Variants in GALNT3 observed in about 807,000 individuals in gnomAD.
GALNT3 encodes GalNAc transferase 3.
A neutral mutation model predicts 69.8 loss-of-function variants in GALNT3; 51 were observed. That is an observed-to-expected ratio of 0.73 (90% CI 0.58 to 0.92). GALNT3 has a LOEUF of 0.92. Among genes scored for constraint, GALNT3 ranks in the 40% least tolerant of loss-of-function variants. The pLI, the probability that GALNT3 is intolerant of heterozygous loss-of-function variation, is 0.00. For missense variants in GALNT3, 711 were observed against 760.0 expected (o/e 0.94, Z 0.76); for synonymous variants, 265 against 248.5 (o/e 1.07, Z -0.63).
At chr2:165,764,424 T>G (rs2105412791) in intron 3 of GALNT3, among the ~76,000 whole-genome samples, 1 of 152,362 alleles carries the variant, frequency 6.6e-6, no homozygotes, top group African/African-American at 2.4e-5. Flanking sequence ...AATGGCATGT[T>G]AAGTTTAATT....
At chr2:165,780,950 A>C (rs919762408) in intron 1 of GALNT3, among the ~76,000 whole-genome samples, 1 of 152,122 alleles carries the variant, frequency 6.6e-6, no homozygotes, top group Non-Finnish European at 1.5e-5. Flanking sequence ...ATAACCTGAC[A>C]CTCCATAATT....
chr2:165,778,849 C>T (rs1325116456), intron 1 of GALNT3, among the ~76,000 whole-genome samples: 1 of 152,178 alleles, frequency 6.6e-6, no homozygotes, highest in African/African-American at 2.4e-5. Context: ...TCATGTGCCA[C>T]ACAGGTAACA....
intron 1 of GALNT3, among the ~76,000 whole-genome samples, chr2:165,786,030 A>C (rs140228936): frequency 6.6e-6 from 1 of 152,012 alleles, no homozygotes; most frequent in Non-Finnish European, 1.5e-5. Flanking sequence ...TGTAGTAAAC[A>C]ATATCTATGT....
At chr2:165,776,819 T>G (rs1574012520) in intron 1 of GALNT3, among the ~76,000 whole-genome samples, 1 of 152,254 alleles carries the variant, frequency 6.6e-6, no homozygotes, top group East Asian at 1.9e-4. Context: ...TCTTACAAAT[T>G]TAAAATAATC....
chr2:165,782,486 G>A lies in GALNT3; in HGVS notation c.-109+11529C>T, dbSNP rs114851248. Among the ~76,000 whole-genome samples the A allele has an allele frequency of 6.2e-3, 951 of 152,192 alleles. 9 individuals carry two copies. The highest frequency in any genetic ancestry group is 0.022 in the African/African-American group (895 of 41,532). ...ATCCAGGGTCGCATGTGGCCCATGG[G>A]CCACAGGTTAAACAAGCTTGGTTTA... On this transcript the variant is annotated intron_variant, in intron 1 of 10. Transcript: ENST00000392701.
In GALNT3 at chr2:165,759,144, C is replaced by T. The variant is rs1326332054; in HGVS notation, c.1073+192G>A. 4.6e-5 allele frequency among the ~76,000 whole-genome samples: 7 copies of T among 152,200 alleles called. No individual in the cohort carries two copies. The East Asian group carries it at 1.3e-3, about 29-fold the overall frequency. ...TGAGGAAGACATAAGAGCTCACTCA[C>T]TGCTACCTCTTACTCAGCAACATCA... On this transcript the variant is annotated intron_variant, in intron 5 of 10. Transcript: ENST00000392701.
At chr2:165,755,788 T>C (rs1332068598) in intron 7 of GALNT3, among the ~76,000 whole-genome samples, 1 of 152,196 alleles carries the variant, frequency 6.6e-6, no homozygotes, top group East Asian at 1.9e-4. Flanking sequence ...ATCTTATCAG[T>C]TCAACTAAAG....
In GALNT3 at chr2:165,770,601, A is replaced by G; in HGVS notation, c.100T>C (p.Leu34=). 6.2e-7 allele frequency: 1 copy of G among 1,605,080 alleles called. No individual in the cohort carries two copies. The highest frequency in any genetic ancestry group is 1.1e-5 in the South Asian group (1 of 88,924). The change falls in exon 2 of 11, where the codon TTG becomes CTG. Residue 34 remains leucine, a synonymous_variant. Transcript: ENST00000392701. ...CTTACTTCTCTTTGCATTAAAACCA[A>G]AACTATTATAAAGAAAAAAATTACT... ...GAVIFFFIIV[L]VLMQREVSVQ...
At chr2:165,779,742 G>A (rs990212339) in intron 1 of GALNT3, among the ~76,000 whole-genome samples, 2 of 152,080 alleles carry the variant, frequency 1.3e-5, no homozygotes, top group Non-Finnish European at 2.9e-5. Context: ...ACCTGAGAAA[G>A]CTGATTGAAA....
At chr2:165,767,338 A>AT (rs1204181827) in intron 2 of GALNT3, among the ~76,000 whole-genome samples, 1 of 151,978 alleles carries the variant, frequency 6.6e-6, no homozygotes, top group Non-Finnish European at 1.5e-5. Flanking sequence ...TGAGTATAAG[A>AT]TTTTTTTCCT....
intron 1 of GALNT3, among the ~76,000 whole-genome samples, chr2:165,787,781 G>T (rs996072186): frequency 2.0e-5 from 3 of 152,070 alleles, no homozygotes; most frequent in African/African-American, 7.2e-5. Flanking sequence ...CTCCCTTTAA[G>T]CTCCTCAACA....
At chr2:165,777,565 G>C (rs191218083) in intron 1 of GALNT3, among the ~76,000 whole-genome samples, 1 of 152,276 alleles carries the variant, frequency 6.6e-6, no homozygotes, top group African/African-American at 2.4e-5. Flanking sequence ...ATTTCTGCTT[G>C]CATTTATTGG....
chr2:165,779,931 C>T (rs1017737762), intron 1 of GALNT3, among the ~76,000 whole-genome samples: 2 of 152,074 alleles, frequency 1.3e-5, no homozygotes, highest in African/African-American at 4.8e-5. Context: ...AGGGCAAATC[C>T]ATATGTAGAA....
chr2:165,762,860 A>G (rs979671259), intron 3 of GALNT3, among the ~76,000 whole-genome samples: 4 of 152,002 alleles, frequency 2.6e-5, no homozygotes, highest in African/African-American at 9.7e-5. Context: ...CAGTGGCACA[A>G]CTCACTGCAA....
rs1008941098 is a variant in GALNT3, at chr2:165,768,987, G to A, written c.515+1199C>T. Among the ~76,000 whole-genome samples the A allele has an allele frequency of 3.3e-5, 5 of 150,896 alleles. No individual in the cohort carries two copies. The South Asian group carries it at 1.1e-3, about 32-fold the overall frequency. On this transcript the variant is annotated intron_variant, in intron 2 of 10. Transcript: ENST00000392701. Reference sequence around the variant, plus strand: ...TTTTTGTATTTTTAATAGAGACGGGGTTTCACCATGTTGGCCAGGCTGCTC... The same window carrying A: ...TTTTTGTATTTTTAATAGAGACGGGATTTCACCATGTTGGCCAGGCTGCTC...
chr2:165,791,559 T>C (rs1430458768), intron 1 of GALNT3, among the ~76,000 whole-genome samples: 5 of 152,068 alleles, frequency 3.3e-5, no homozygotes. Flanking sequence ...AATTAGTTAT[T>C]GAGGATTGCA....
At chr2:165,787,912 T>C (rs1373713128) in intron 1 of GALNT3, among the ~76,000 whole-genome samples, 1 of 151,970 alleles carries the variant, frequency 6.6e-6, no homozygotes, top group Non-Finnish European at 1.5e-5. Flanking sequence ...AACCAAAAGG[T>C]CCCAAAATAA....
chr2:165,790,399 T>C (rs1364688), intron 1 of GALNT3, among the ~76,000 whole-genome samples: 118,002 of 152,052 alleles, frequency 0.78, 47,240 homozygotes, highest in Non-Finnish European at 0.89. Context: ...TTAGTGTACA[T>C]GAGTTGTGTT....
At chr2:165,766,308 G>A (rs1476149491) in intron 2 of GALNT3, among the ~76,000 whole-genome samples, 1 of 152,220 alleles carries the variant, frequency 6.6e-6, no homozygotes, top group Non-Finnish European at 1.5e-5. Context: ...GGCACAGGGA[G>A]AGAGACCCTA....
Sources: allele counts gnomAD v4.1 joint callset (sites outside exome capture counted in the v4.1 genomes callset), GRCh38; gene constraint gnomAD v4.1.1; transcripts MANE v1.5; gene names NCBI Gene and HGNC (gene_info 2026-07-23, HGNC 2026-07-21).